USP9X: variants seen among roughly 807,000 people sequenced by gnomAD.
USP9X encodes ubiquitin specific peptidase 9 X-linked, also known as ubiquitin carboxyl-terminal hydrolase 9X.
Under a neutral mutation model 190.3 loss-of-function variants are expected in USP9X, and 7 were observed. That is an observed-to-expected ratio of 0.04 (90% CI 0.02 to 0.07). The LOEUF (loss-of-function observed/expected upper bound fraction) is 0.07, where lower values mean the gene tolerates loss of function less well. USP9X is among the 10% of genes least tolerant of loss of function. The pLI is 1.00. For synonymous variants in USP9X, 645 were observed against 659.5 expected (o/e 0.98, Z 0.34); for missense variants, 1,010 against 1,916.9 (o/e 0.53, Z 8.83).
intron 11 of USP9X, among the ~76,000 whole-genome samples, chrX:41,147,150 TC>T (rs1427491722): frequency 1.8e-5 from 2 of 110,568 alleles, no homozygotes; most frequent in East Asian, 5.6e-4. Flanking sequence ...TGCCTTGGTG[TC>T]TGTCAATAGT....
chrX:41,202,849 A>G lies in USP9X; in HGVS notation c.4824+1569A>G, dbSNP rs751386959. ...AATGAGGCATAGAAAATATAACACA[A>G]TTTCAAATAAGGTGTACCACTTTTA... is the stretch of plus-strand genomic sequence containing the variant. On this transcript the variant is annotated intron_variant, in intron 31 of 44. Coordinates refer to ENST00000378308, the MANE Select transcript of USP9X (RefSeq NM_001039591.3). Among the ~76,000 whole-genome samples, 45 of 111,813 alleles carry G rather than the reference A, an allele frequency of 4.0e-4. No homozygotes were observed. The South Asian group carries it at 0.016, about 39-fold the overall frequency.
chrX:41,107,417 A>T (rs1414792530), intron 1 of USP9X, among the ~76,000 whole-genome samples: 1 of 112,046 alleles, frequency 8.9e-6, no homozygotes, highest in Non-Finnish European at 1.9e-5. Context: ...CTTACTGATG[A>T]TCCTTTGTAT....
At chrX:41,178,736 T>C (rs1004439596) in intron 21 of USP9X, among the ~76,000 whole-genome samples, 4 of 111,935 alleles carry the variant, frequency 3.6e-5, no homozygotes, top group African/African-American at 1.3e-4. Context: ...TTGTCTGTTT[T>C]TGTGTTTGTT....
In USP9X at chrX:41,210,431, T is replaced by C; in HGVS notation, c.5016-78T>C. On this transcript the variant is annotated intron_variant, in intron 32 of 44. Coordinates refer to ENST00000378308, the MANE Select transcript of USP9X (RefSeq NM_001039591.3). ...GTTGTTTGTGGTCTTGTTGCTTTTT[T>C]TTCCCCTGAAAAATATAGTTGTACA... 3 of 1,069,453 alleles carry C rather than the reference T, an allele frequency of 2.8e-6. No individual in the cohort carries two copies. The South Asian group carries it at 6.2e-5, about 22-fold the overall frequency. 88.1% of individuals were successfully genotyped at this position (1,069,453 alleles called of 1,213,427 possible).
chrX:41,181,117 TAA>T (rs1248102729), intron 21 of USP9X, among the ~76,000 whole-genome samples: 1 of 111,471 alleles, frequency 9.0e-6, no homozygotes, highest in Non-Finnish European at 1.9e-5. Flanking sequence ...CCATCTTTTG[TAA>T]AAGTCTGTTG....
intron 15 of USP9X, 30 bp from the exon 16 acceptor site, chrX:41,165,837 TAAATC>T (rs748204561): frequency 1.7e-6 from 2 of 1,166,663 alleles, no homozygotes; most frequent in Admixed American, 2.3e-5. Flanking sequence ...AAAAATTACA[TAAATC>T]TAATTGCCAA....
At chrX:41,173,969 A>G (rs1480037516) in intron 21 of USP9X, among the ~76,000 whole-genome samples, 1 of 112,033 alleles carries the variant, frequency 8.9e-6, no homozygotes, top group African/African-American at 3.2e-5. Flanking sequence ...ATAAAATTAT[A>G]ATACCATATT....
At chrX:41,112,897 G>A (rs2062120459) in intron 1 of USP9X, among the ~76,000 whole-genome samples, 1 of 112,617 alleles carries the variant, frequency 8.9e-6, no homozygotes, top group Admixed American at 9.4e-5. Context: ...GGCACCAAAA[G>A]AATCCTTGAA....
intron 32 of USP9X, 46 bp downstream of exon 32, chrX:41,205,539 A>C (rs757087754): frequency 2.8e-6 from 3 of 1,070,699 alleles, no homozygotes; most frequent in Non-Finnish European, 3.8e-6. Flanking sequence ...TAAAATGAAC[A>C]TCTCAATACA....
intron 38 of USP9X, among the ~76,000 whole-genome samples, chrX:41,221,628 G>A (rs1383809033): frequency 9.0e-6 from 1 of 111,537 alleles, no homozygotes. Context: ...TAGAATTGAT[G>A]TAAGATGGGA....
chrX:41,125,898 C>G (rs753370872), intron 2 of USP9X, among the ~76,000 whole-genome samples: 12 of 110,909 alleles, frequency 1.1e-4, no homozygotes, highest in Admixed American at 2.9e-4. Flanking sequence ...TTAAAACTTA[C>G]GATGTACAGC....
chrX:41,087,276 C>G (rs2061920286), intron 1 of USP9X, among the ~76,000 whole-genome samples: 1 of 112,152 alleles, frequency 8.9e-6, no homozygotes, highest in Non-Finnish European at 1.9e-5. Flanking sequence ...TGTATACTTT[C>G]ACTTTTGAGG....
At chrX:41,171,981 C>T (rs1380083938) in intron 21 of USP9X, 23 bp downstream of exon 21, 2 of 1,207,055 alleles carry the variant, frequency 1.7e-6, no homozygotes, top group Admixed American at 4.4e-5. Context: ...AAATGATGAT[C>T]AAGTACTTGC....
At chrX:41,178,686 C>T (rs2062800638) in intron 21 of USP9X, among the ~76,000 whole-genome samples, 1 of 111,170 alleles carries the variant, frequency 9.0e-6, no homozygotes, top group African/African-American at 3.3e-5. Context: ...GTCTTATTTC[C>T]TTTGTTGGGT....
chrX:41,091,252 G>A (rs1159342968), intron 1 of USP9X, among the ~76,000 whole-genome samples: 1 of 111,476 alleles, frequency 9.0e-6, no homozygotes, highest in East Asian at 2.8e-4. Flanking sequence ...TTTCTCCAGT[G>A]AGCCCAAATG....
rs763158741 is a variant in USP9X, at chrX:41,162,837, A to T, written c.1945A>T (p.Ser649Cys). ...AACTGTGAGGCTGGGAAGTAGATAT[A>T]GTCATGTTCAAGAAGTTCAAGAACG... The part of the protein sequence containing the change: ...PQTVRLGSRY[S>C]HVQEVQERLN... Residue 649 changes from serine to cysteine, a missense_variant, in exon 15 of 45, where the codon AGT (serine) becomes TGT (cysteine). By Grantham distance (112) the Ser-to-Cys change is moderately radical. This residue lies in a region of USP9X where 104 missense variants were observed against 239.8 expected (regional missense o/e 0.43). Coordinates refer to ENST00000378308, the MANE Select transcript of USP9X (RefSeq NM_001039591.3). The T allele has an allele frequency of 5.5e-5, 67 of 1,207,999 alleles. No homozygotes were observed. The highest frequency in any genetic ancestry group is 8.9e-6 in the Non-Finnish European group (8 of 894,199).
At chrX:41,170,329 G>A in intron 19 of USP9X, 94 bp downstream of exon 19, 3 of 1,089,821 alleles carry the variant, frequency 2.8e-6, no homozygotes, top group Non-Finnish European at 2.5e-6. Flanking sequence ...TTATGTTTGG[G>A]ACTGTGTTAG....
chrX:41,150,348 T>G (rs998496791), intron 12 of USP9X, among the ~76,000 whole-genome samples: 1 of 111,858 alleles, frequency 8.9e-6, no homozygotes, highest in Non-Finnish European at 1.9e-5. Flanking sequence ...TTATAACATT[T>G]TTAATTTTTA....
chrX:41,207,105 T>TTG (rs1491064535), intron 32 of USP9X, among the ~76,000 whole-genome samples: 8 of 56,056 alleles, frequency 1.4e-4, no homozygotes, highest in Admixed American at 2.7e-4. Context: ...TTTTTTTTTT[T>TTG]GGAGATAGAG....
Sources: gnomAD v4.1 joint callset for allele counts (sites outside exome capture counted in the v4.1 genomes callset) on GRCh38, gnomAD v4.1.1 for gene constraint, gnomAD v4.1.1 regional missense constraint, MANE v1.5 for transcripts, NCBI Gene and HGNC (gene_info 2026-07-23, HGNC 2026-07-21) for gene names.